Variants in ZNF280D observed in about 807,000 individuals in gnomAD.
ZNF280D encodes the protein suppressor of hairy wing homolog 4.
Under a neutral mutation model 94.7 loss-of-function variants are expected in ZNF280D, and 39 were observed. That is an observed-to-expected ratio of 0.41 (90% CI 0.32 to 0.54). ZNF280D has a LOEUF of 0.54. Among genes scored for constraint, ZNF280D ranks in the 20% least tolerant of loss-of-function variants. ZNF280D has a pLI of 0.22. For synonymous variants in ZNF280D, 398 were observed against 377.6 expected (o/e 1.05, Z -0.63); for missense variants, 1,090 against 1,149.3 (o/e 0.95, Z 0.75).
Position 56,643,009 on chromosome 15 carries a change from G to A in ZNF280D, c.2214-12C>T. On this transcript the variant is annotated splice_polypyrimidine_tract_variant and intron_variant, in intron 19 of 21. Coordinates refer to ENST00000267807, the MANE Select transcript of ZNF280D (RefSeq NM_017661.4). ...CTTCTTTTTTTAATCTTGAAAACAA[G>A]ATAAGTATTGAATATTTTATTTTAT... 3.4e-6 allele frequency: 5 copies of A among 1,466,906 alleles called. No individual in the cohort carries two copies. Among genetic ancestry groups the A allele is most frequent in the Non-Finnish European group, 4.5e-6 (5 of 1,103,314 alleles). 90.9% of individuals were successfully genotyped at this position (1,466,906 alleles called of 1,614,324 possible).
At chr15:56,727,161 T>C (rs2058667344) in intron 1 of ZNF280D, among the ~76,000 whole-genome samples, 2 of 152,224 alleles carry the variant, frequency 1.3e-5, no homozygotes, top group Admixed American at 6.5e-5. Context: ...AGAGTTGCTC[T>C]TCCCTCCCTG....
At chr15:56,728,330 G>A (rs528067729) in intron 1 of ZNF280D, among the ~76,000 whole-genome samples, 4 of 152,200 alleles carry the variant, frequency 2.6e-5, no homozygotes, top group South Asian at 2.1e-4. Context: ...TTGATACAAC[G>A]CTTAAGTGCC....
intron 19 of ZNF280D, among the ~76,000 whole-genome samples, chr15:56,649,367 T>C (rs150682702): frequency 9.3e-4 from 142 of 152,208 alleles, no homozygotes; most frequent in African/African-American, 3.2e-3. Context: ...TCTCAAATTC[T>C]CCCTGCTTAC....
At chr15:56,664,422 T>C (rs1367916753) in intron 16 of ZNF280D, among the ~76,000 whole-genome samples, 1 of 151,992 alleles carries the variant, frequency 6.6e-6, no homozygotes, top group African/African-American at 2.4e-5. Flanking sequence ...GAGATGAAGA[T>C]CCAAGTTAAC....
At chr15:56,727,966 G>T (rs1236190555) in intron 1 of ZNF280D, among the ~76,000 whole-genome samples, 1 of 152,072 alleles carries the variant, frequency 6.6e-6, no homozygotes, top group Non-Finnish European at 1.5e-5. Context: ...GGACCATGCT[G>T]TTCTGCTCAA....
chr15:56,648,680 C>A (rs2053037684), intron 19 of ZNF280D, among the ~76,000 whole-genome samples: 1 of 152,138 alleles, frequency 6.6e-6, no homozygotes, highest in South Asian at 2.1e-4. Flanking sequence ...GCTCATATCT[C>A]ACAAATATGT....
chr15:56,663,666 G>A (rs1418078964), intron 16 of ZNF280D, among the ~76,000 whole-genome samples: 1 of 152,200 alleles, frequency 6.6e-6, no homozygotes, highest in Non-Finnish European at 1.5e-5. Context: ...AGAGCTGTGT[G>A]TGATGACAAT....
chr15:56,730,100 G>A (rs1263047141), intron 1 of ZNF280D: 1 of 152,072 alleles, frequency 6.6e-6, no homozygotes, highest in Non-Finnish European at 1.5e-5. Context: ...TGACCCAGAT[G>A]ATAGTGATAA....
At chr15:56,732,087 T>C (rs2141549059) in intron 1 of ZNF280D, among the ~76,000 whole-genome samples, 1 of 152,356 alleles carries the variant, frequency 6.6e-6, no homozygotes, top group South Asian at 2.1e-4. Flanking sequence ...CCTATTCTCA[T>C]CTACCTCATT....
chr15:56,683,571 T>C (rs1341675866), intron 9 of ZNF280D, among the ~76,000 whole-genome samples: 1 of 152,212 alleles, frequency 6.6e-6, no homozygotes, highest in Non-Finnish European at 1.5e-5. Context: ...GTTTGACAAA[T>C]ATCAGGCACC....
In ZNF280D at chr15:56,666,533, T is replaced by C. The variant is rs1199121653; in HGVS notation, c.1856A>G (p.Tyr619Cys). The C allele has an allele frequency of 8.2e-6, 13 of 1,583,168 alleles. No homozygotes were observed. The highest frequency in any genetic ancestry group is 1.4e-5 in the African/African-American group (1 of 72,678). The change falls in exon 16 of 22, where the codon TAT (tyrosine) becomes TGT (cysteine). Residue 619 changes from tyrosine to cysteine, a missense_variant and splice_region_variant. Physicochemically the swap from Tyr to Cys is radical, Grantham distance 194. This residue lies in a region of ZNF280D where 577 missense variants were observed against 568.8 expected (regional missense o/e 1.01). Transcript: ENST00000267807. ...AATGCATTTGTGAATGCCCCGACGA[T>C]ACCTTAGGGAGACATTAAAAAAATG... ...KVNTALRNLR[Y>C]RRGIHKCIEC...
intron 1 of ZNF280D, among the ~76,000 whole-genome samples, chr15:56,712,610 AAAAAAG>A (rs1194553006): frequency 6.6e-6 from 1 of 150,668 alleles, no homozygotes; most frequent in Non-Finnish European, 1.5e-5. Flanking sequence ...AAAAAAAAAA[AAAAAAG>A]GAAAGAAAGA....
At chr15:56,700,141 T>A (rs1596554941) in intron 6 of ZNF280D, 1 of 968,288 alleles carries the variant, frequency 1.0e-6, no homozygotes, top group Admixed American at 6.2e-5. Context: ...ATCTGAGAAC[T>A]GTTCAACTAA....
rs1052619500 is a variant in ZNF280D at position 56,655,806 on chromosome 15, T to C, written c.2058-1303A>G. Among the ~76,000 whole-genome samples the C allele has an allele frequency of 2.0e-5, 3 of 152,236 alleles. 1 individual carries two copies. The South Asian group carries it at 6.2e-4, about 32-fold the overall frequency. On this transcript the variant is annotated intron_variant, in intron 17 of 21. Transcript: ENST00000267807. ...ATAACTTAGCCACTATATATTTAAT[T>C]TCTTATAAGAGTTAAGCACTTGGGA... is the stretch of plus-strand genomic sequence containing the variant.
intron 19 of ZNF280D, among the ~76,000 whole-genome samples, chr15:56,647,898 TAC>T (rs577723498): frequency 3.0e-4 from 45 of 152,330 alleles, no homozygotes; most frequent in Admixed American, 2.7e-3. Flanking sequence ...CCATTTTTAA[TAC>T]ACTTTGTTAT....
intron 3 of ZNF280D, 97 bp downstream of exon 3, chr15:56,706,985 T>C (rs2057443575): frequency 8.0e-7 from 1 of 1,250,634 alleles, no homozygotes; most frequent in Non-Finnish European, 1.2e-6. Flanking sequence ...AGCATTTTTG[T>C]TTTTTAAAAA....
intron 20 of ZNF280D, among the ~76,000 whole-genome samples, chr15:56,642,501 G>C (rs2052677720): frequency 6.6e-6 from 1 of 151,742 alleles, no homozygotes; most frequent in South Asian, 2.1e-4. Context: ...ATAATTCTGA[G>C]TTCTGCATTC....
At chr15:56,649,711 A>C (rs1466620064) in intron 19 of ZNF280D, among the ~76,000 whole-genome samples, 1 of 152,094 alleles carries the variant, frequency 6.6e-6, no homozygotes, top group Non-Finnish European at 1.5e-5. Context: ...GACCAGAGCC[A>C]ATAATTCCTC....
intron 20 of ZNF280D, among the ~76,000 whole-genome samples, chr15:56,641,530 C>T (rs1382485644): frequency 1.2e-4 from 18 of 151,912 alleles, no homozygotes; most frequent in East Asian, 3.9e-4. Flanking sequence ...ATTTTAATGT[C>T]GTTTTTAGAC....
Sources: gnomAD v4.1 joint callset for allele counts (sites outside exome capture counted in the v4.1 genomes callset) on GRCh38, gnomAD v4.1.1 for gene constraint, gnomAD v4.1.1 regional missense constraint, MANE v1.5 for transcripts, NCBI Gene and HGNC (gene_info 2026-07-23, HGNC 2026-07-21) for gene names.